The following ERMP1 variants were observed in gnomAD, a reference collection of about 807,000 sequenced individuals.
ERMP1 encodes the protein Felix-ina.
Under a neutral mutation model 92.0 loss-of-function variants are expected in ERMP1, and 86 were observed. The ratio of observed to expected loss-of-function variants is 0.93; its 90% CI spans 0.79 to 1.12. ERMP1 has a LOEUF of 1.12. Among genes scored for constraint, ERMP1 ranks in the 50% most tolerant of loss-of-function variants. ERMP1 has a pLI of 0.00. For synonymous variants in ERMP1, 530 were observed against 412.8 expected, an observed-to-expected ratio of 1.28 and a Z score of -3.44; for missense variants, 1,342 against 1,116.3, an observed-to-expected ratio of 1.20 and a Z score of -2.88.
chr9:5,859,985 A>G (rs769527919), intron 5 of ERMP1, among the ~76,000 whole-genome samples: 2 of 152,224 alleles, frequency 1.3e-5, no homozygotes, highest in Non-Finnish European at 2.9e-5. Flanking sequence ...TACATGCTAA[A>G]TAAGCTCAAC....
intron 6 of ERMP1, among the ~76,000 whole-genome samples, chr9:5,852,192 A>C (rs539845452): frequency 2.6e-5 from 4 of 152,286 alleles, no homozygotes; most frequent in African/African-American, 9.6e-5. Context: ...GCAGTCATTA[A>C]GTTTTTCTTA....
intron 6 of ERMP1, 143 bp from the exon 7 acceptor site, chr9:5,811,466 T>A (rs1563759801): frequency 4.5e-6 from 3 of 672,294 alleles, no homozygotes; most frequent in Non-Finnish European, 7.3e-6. Flanking sequence ...AGAAAGAATG[T>A]GAACAGAAAT....
intron 6 of ERMP1, among the ~76,000 whole-genome samples, chr9:5,858,301 T>G (rs77446092): frequency 0.016 from 2,417 of 152,286 alleles, 76 homozygotes; most frequent in East Asian, 0.13. Context: ...CTAGTCCCAG[T>G]GCTGAGAAGT....
chr9:5,839,933 A>G (rs760275420), intron 6 of ERMP1, among the ~76,000 whole-genome samples: 1 of 152,194 alleles, frequency 6.6e-6, no homozygotes, highest in Non-Finnish European at 1.5e-5. Flanking sequence ...TACTTGGTAC[A>G]TTAGCAATCC....
rs554270313 is a variant in ERMP1 at position 5,819,580 on chromosome 9, T to C, written c.874+4316A>G. On this transcript the variant is annotated intron_variant, in intron 4 of 14. Transcript: ENST00000339450. ...CTAAAAAATTATGTAATCCTCTTCATTTTTCCTATAAAAACTTTTGTCTTC... is the reference window on the plus strand; with the variant it reads ...CTAAAAAATTATGTAATCCTCTTCACTTTTCCTATAAAAACTTTTGTCTTC... Among the ~76,000 whole-genome samples the C allele has an allele frequency of 2.6e-5, 4 of 152,324 alleles. No individual in the cohort carries two copies. The South Asian group carries it at 6.2e-4, about 24-fold the overall frequency.
upstream of ERMP1, among the ~76,000 whole-genome samples, chr9:5,834,367 A>T (rs1830056043): frequency 6.6e-6 from 1 of 152,170 alleles, no homozygotes; most frequent in Non-Finnish European, 1.5e-5. Flanking sequence ...TCACAGCACC[A>T]TGTTTGCATG....
chr9:5,798,028 G>T (rs1257782364), intron 12 of ERMP1, 96 bp from the exon 13 acceptor site: 2 of 785,424 alleles, frequency 2.5e-6, no homozygotes, highest in Non-Finnish European at 4.4e-6. Flanking sequence ...CACATTTTTG[G>T]GTATGAAAAT....
Position 5,812,884 on chromosome 9 carries a change from T to C in ERMP1, c.1021+5A>G, listed in dbSNP as rs756474054. ...CACAGTAGGCCGTAACCATTGACAA[T>C]ATACCTGGAATGTTCCCAAAATCCC... On this transcript the variant is annotated splice_donor_5th_base_variant and intron_variant, in intron 5 of 14. Coordinates refer to ENST00000339450, the MANE Select transcript of ERMP1 (RefSeq NM_024896.3). 1 of 1,613,954 alleles carries C rather than the reference T, an allele frequency of 6.2e-7. No individual in the cohort carries two copies. Among genetic ancestry groups the C allele is most frequent in the Non-Finnish European group, 8.5e-7 (1 of 1,179,862 alleles).
intron 6 of ERMP1, among the ~76,000 whole-genome samples, chr9:5,857,032 TCA>T (rs1351353816): frequency 1.3e-5 from 2 of 152,134 alleles, no homozygotes; most frequent in East Asian, 3.9e-4. Flanking sequence ...TTCTTTTTTT[TCA>T]TTTGGAGACA....
chr9:5,849,655 C>A (rs565261498), intron 6 of ERMP1, among the ~76,000 whole-genome samples: 1 of 152,292 alleles, frequency 6.6e-6, no homozygotes, highest in African/African-American at 2.4e-5. Flanking sequence ...AATAAGTTGT[C>A]CTGTGATTCT....
rs1313222138 is a variant in ERMP1, at chr9:5,810,140, C to G, written c.1419G>C (p.Val473=). The change falls in exon 8 of 15, where the codon GTG becomes GTC. Residue 473 remains valine, a synonymous_variant. Transcript: ENST00000339450. The stretch of plus-strand genomic sequence containing the variant: ...GAGACTGTCCAATAAGAGAGATGAA[C>G]ACTGCTATAATGAGAACGGTAACAA... ...TSLVTVLIIA[V]FISLIGQSLS... is the part of the protein sequence containing the mutation. 10 of 1,613,934 alleles carry G rather than the reference C, an allele frequency of 6.2e-6. No individual in the cohort carries two copies. Among genetic ancestry groups the G allele is most frequent in the African/African-American group, 1.3e-5 (1 of 75,018 alleles).
intron 4 of ERMP1, among the ~76,000 whole-genome samples, chr9:5,820,926 G>A (rs924377368): frequency 1.3e-5 from 2 of 152,160 alleles, no homozygotes; most frequent in Admixed American, 6.5e-5. Flanking sequence ...TGCTGGGAAA[G>A]GTATCAGAAT....
chr9:5,798,028 G>A, intron 12 of ERMP1, 96 bp from the exon 13 acceptor site: 2 of 785,424 alleles, frequency 2.5e-6, no homozygotes, highest in South Asian at 3.1e-5. Context: ...CACATTTTTG[G>A]GTATGAAAAT....
chr9:5,796,254 GAGA>G (rs1237682468), intron 13 of ERMP1, among the ~76,000 whole-genome samples: 2 of 152,180 alleles, frequency 1.3e-5, no homozygotes, highest in Non-Finnish European at 2.9e-5. Context: ...CACAATTCTG[GAGA>G]AGAAGAGTTG....
At chr9:5,799,029 A>C (rs1828563585) in intron 11 of ERMP1, 21 bp from the exon 12 acceptor site, 1 of 1,591,738 alleles carries the variant, frequency 6.3e-7, no homozygotes, top group Non-Finnish European at 8.6e-7. Flanking sequence ...AAGACTAGTG[A>C]AAAAACTGTT....
chr9:5,833,125 G>A (rs1418216298), upstream of ERMP1: 9 of 1,123,712 alleles, frequency 8.0e-6, no homozygotes, highest in Admixed American at 8.0e-5. Context: ...CCTAGTGAGC[G>A]GACGGAAACT....
intron 5 of ERMP1, among the ~76,000 whole-genome samples, chr9:5,861,170 G>GTGTGTGTGC: frequency 2.9e-5 from 3 of 102,140 alleles, no homozygotes; most frequent in African/African-American, 7.1e-5. Context: ...TGGCTTAGGG[G>GTGTGTGTGC]GTGTGTGTGT....
intron 4 of ERMP1, among the ~76,000 whole-genome samples, chr9:5,815,214 T>C (rs1166580693): frequency 6.6e-6 from 1 of 152,104 alleles, no homozygotes; most frequent in Non-Finnish European, 1.5e-5. Context: ...AGAAAAACTG[T>C]ATCTGGCACC....
chr9:5,843,600 C>T (rs778529741), intron 6 of ERMP1, among the ~76,000 whole-genome samples: 1 of 152,218 alleles, frequency 6.6e-6, no homozygotes, highest in Non-Finnish European at 1.5e-5. Context: ...TCTTTCTTCT[C>T]TCCTTCTTAG....
Sources: allele counts gnomAD v4.1 joint callset (sites outside exome capture counted in the v4.1 genomes callset), GRCh38; gene constraint gnomAD v4.1.1; transcripts MANE v1.5; gene names NCBI Gene and HGNC (gene_info 2026-07-23, HGNC 2026-07-21).